CPSF7: variants seen among roughly 807,000 people sequenced by gnomAD.
CPSF7 encodes cleavage and polyadenylation specificity factor subunit 7.
CPSF7 carries 1 observed loss-of-function variant against 44.3 expected under a neutral mutation model. The observed-to-expected ratio is 0.02, with a 90% confidence interval of 0.01 to 0.11. The LOEUF is 0.11. CPSF7 is among the 10% of genes least tolerant of loss of function. The probability of loss-of-function intolerance (pLI) is 1.00; values close to 1 mark genes in which losing one functional copy is unlikely to be tolerated. For missense variants in CPSF7, 443 were observed against 607.2 expected (o/e 0.73, Z 2.84); for synonymous variants, 202 against 222.0 (o/e 0.91, Z 0.80).
In CPSF7 at chr11:61,402,860, TAAAAC is replaced by T. The variant is rs1483674802; in HGVS notation, c.*1845_*1849del. ...TTTTTTTCCTTTTGCTATCAGGAAA[TAAAAC>T]TAAAAATGGTGTCATTGAGTAAAAA... On this transcript the variant is annotated 3_prime_UTR_variant, in exon 10 of 10. Transcript: ENST00000439958. 6.6e-6 allele frequency: 1 copy of T among 152,256 alleles called. No individual in the cohort carries two copies. The highest frequency in any genetic ancestry group is 6.6e-5 in the Admixed American group (1 of 15,244). The allele number at this position is 152,256 out of a possible 1,614,324, so 9.4% of individuals were successfully genotyped here.
intron 2 of CPSF7, chr11:61,426,588 A>G (rs1389637374): frequency 1.3e-5 from 2 of 152,262 alleles, no homozygotes; most frequent in Non-Finnish European, 2.9e-5. Flanking sequence ...TGAGGAGACC[A>G]GAGAACAAAC....
chr11:61,429,087 C>A, intron 2 of CPSF7, 95 bp downstream of exon 2: 1 of 758,420 alleles, frequency 1.3e-6, no homozygotes. Flanking sequence ...CGTGTTCAAG[C>A]CTAGGACTGG....
chr11:61,415,652 A>G lies in CPSF7; in HGVS notation c.1057+14T>C. 2 of 1,526,576 alleles carry G rather than the reference A, an allele frequency of 1.3e-6. No individual in the cohort carries two copies. Among genetic ancestry groups the G allele is most frequent in the Non-Finnish European group, 1.8e-6 (2 of 1,100,326 alleles). 94.6% of individuals were successfully genotyped at this position (1,526,576 alleles called of 1,614,324 possible). A position where few individuals can be genotyped will look rare whatever the true frequency, so the allele number is the denominator to read the frequency against. On this transcript the variant is annotated intron_variant, in intron 7 of 9. Transcript: ENST00000439958. ...AGGTTAAGGAGAAGGCAGCAAAGGT[A>G]AGCACTGAGTTACCTGCACTGGCTC...
chr11:61,429,873 T>C, intron 1 of CPSF7, 41 bp downstream of exon 1: 1 of 1,532,600 alleles, frequency 6.5e-7, no homozygotes, highest in Non-Finnish European at 8.8e-7. Context: ...CCCGGACCCC[T>C]CTTCCGGCCC....
Position 61,416,490 on chromosome 11 carries a change from A to T in CPSF7, c.553T>A (p.Ser185Thr). 6.2e-7 allele frequency: 1 copy of T among 1,614,116 alleles called. No homozygotes were observed. Among genetic ancestry groups the T allele is most frequent in the Non-Finnish European group, 8.5e-7 (1 of 1,179,996 alleles). Residue 185 changes from serine to threonine, a missense_variant, in exon 6 of 10, where the codon TCT becomes ACT. Physicochemically the swap from Ser to Thr is moderately conservative, Grantham distance 58 (BLOSUM62 1). Coordinates refer to ENST00000439958, the MANE Select transcript of CPSF7 (RefSeq NM_001142565.3). ...RIPPRAHSRD[S>T]SDSADGRATP... Reference sequence around the variant, plus strand: ...GCCCGTCCATCAGCAGAATCACTAGAATCTCGGGAATGGGCCCGTGGAGGT... The same window carrying T: ...GCCCGTCCATCAGCAGAATCACTAGTATCTCGGGAATGGGCCCGTGGAGGT...
intron 9 of CPSF7, among the ~76,000 whole-genome samples, chr11:61,409,132 G>A (rs1218012898): frequency 6.6e-6 from 1 of 151,938 alleles, no homozygotes; most frequent in African/African-American, 2.4e-5. Flanking sequence ...GTGACAGAGT[G>A]AGACAATGTG....
intron 9 of CPSF7, 133 bp downstream of exon 9, chr11:61,410,805 T>C: frequency 1.1e-6 from 1 of 910,284 alleles, no homozygotes; most frequent in Non-Finnish European, 1.6e-6. Context: ...GCCCTGAAAT[T>C]CCAGTTATGT....
Position 61,429,905 on chromosome 11 carries a change from C to T in CPSF7, c.-56+9G>A, listed in dbSNP as rs1861803670. 1 of 1,505,476 alleles carries T rather than the reference C, an allele frequency of 6.6e-7. No homozygotes were observed. Among genetic ancestry groups the T allele is most frequent in the South Asian group, 1.2e-5 (1 of 81,410 alleles). 93.3% of individuals were successfully genotyped at this position (1,505,476 alleles called of 1,614,324 possible). ...GCCCAACCTGCCCCCGACCGCGCGC[C>T]CCCGTTACCGGGAATATGGCGGCGG... On this transcript the variant is annotated intron_variant, in intron 1 of 9. Coordinates refer to ENST00000439958, the MANE Select transcript of CPSF7 (RefSeq NM_001142565.3).
intron 9 of CPSF7, among the ~76,000 whole-genome samples, chr11:61,408,593 C>G (rs567532283): frequency 6.6e-6 from 1 of 152,174 alleles, no homozygotes; most frequent in African/African-American, 2.4e-5. Context: ...GAAGCAGAGA[C>G]AACACCTGCT....
At position 61,410,935 on chromosome 11, in the gene CPSF7, C is replaced by A; in HGVS notation, c.*5+3G>T. 1 of 1,585,088 alleles carries A rather than the reference C, an allele frequency of 6.3e-7. No homozygotes were observed. The highest frequency in any genetic ancestry group is 8.6e-7 in the Non-Finnish European group (1 of 1,169,030). Reference sequence around the variant, plus strand: ...AGCAGCCAGGAACGGGGCTTCTCCCCACCTTTCTCAGTGGTGCCGGTCCCG... The same window carrying A: ...AGCAGCCAGGAACGGGGCTTCTCCCAACCTTTCTCAGTGGTGCCGGTCCCG... On this transcript the variant is annotated splice_donor_region_variant and intron_variant, in intron 9 of 9. Coordinates refer to ENST00000439958, the MANE Select transcript of CPSF7 (RefSeq NM_001142565.3).
In CPSF7 at chr11:61,403,590, G is replaced by A. The variant is rs926331442; in HGVS notation, c.*1120C>T. On this transcript the variant is annotated 3_prime_UTR_variant, in exon 10 of 10. Transcript: ENST00000439958. ...GAGCTATTAAGTCAACAGTCAAAAG[G>A]TGAAAAGACACCAAATTTGTGACTT... 2.0e-5 allele frequency: 3 copies of A among 152,120 alleles called. No homozygotes were observed. The South Asian group carries it at 6.2e-4, about 32-fold the overall frequency. The allele number at this position is 152,120 out of a possible 1,614,324, so 9.4% of individuals were successfully genotyped here. A position where few individuals can be genotyped will look rare whatever the true frequency, so the allele number is the denominator to read the frequency against.
chr11:61,421,561 C>T lies in CPSF7; in HGVS notation c.102G>A (p.Val34=). The part of the protein sequence containing the change: ...NTDQIDLYDD[V]LTATSQPSDD... Reference sequence around the variant, plus strand: ...CTGAGGGCTGTGAGGTGGCTGTCAGCACATCATCATACAGGTCAATCTGAT... The same window carrying T: ...CTGAGGGCTGTGAGGTGGCTGTCAGTACATCATCATACAGGTCAATCTGAT... The change falls in exon 3 of 10, where the codon GTG becomes GTA. Residue 34 remains valine, a synonymous_variant. Transcript: ENST00000439958. 1 of 1,614,000 alleles carries T rather than the reference C, an allele frequency of 6.2e-7. No individual in the cohort carries two copies. The highest frequency in any genetic ancestry group is 1.1e-5 in the South Asian group (1 of 91,078).
chr11:61,420,095 CT>C lies in CPSF7; in HGVS notation c.378-2del. 1 of 1,591,800 alleles carries C rather than the reference CT, an allele frequency of 6.3e-7. No homozygotes were observed. The highest frequency in any genetic ancestry group is 8.6e-7 in the Non-Finnish European group (1 of 1,169,544). Reference sequence around the variant, plus strand: ...AGAGGCTACCACCACCTCAGCATACCTTAGGAAAGAAAAATTAAAAATGAAT... The same window carrying C: ...AGAGGCTACCACCACCTCAGCATACCTAGGAAAGAAAAATTAAAAATGAAT... On this transcript the variant is annotated splice_acceptor_variant, in intron 4 of 9. Transcript: ENST00000439958. LOFTEE classifies it high-confidence loss of function.
Position 61,421,573 on chromosome 11 carries a change from C to T in CPSF7, c.90G>A (p.Leu30=). The T allele has an allele frequency of 6.2e-7, 1 of 1,613,922 alleles. No individual in the cohort carries two copies. Residue 30 remains leucine, a synonymous_variant, in exon 3 of 10, where the codon CTG becomes CTA. Coordinates refer to ENST00000439958, the MANE Select transcript of CPSF7 (RefSeq NM_001142565.3). ...AGGTGGCTGTCAGCACATCATCATA[C>T]AGGTCAATCTGATCTGTATTGTTGA... The part of the protein sequence containing the change: ...PEFNNTDQID[L]YDDVLTATSQ...
intron 9 of CPSF7, chr11:61,410,553 A>G (rs1281471217): frequency 1.2e-5 from 2 of 164,752 alleles, no homozygotes; most frequent in East Asian, 1.8e-4. Context: ...AATGGTCTAC[A>G]TGGACTCTCT....
intron 9 of CPSF7, among the ~76,000 whole-genome samples, chr11:61,405,465 G>C (rs1429469041): frequency 2.0e-5 from 3 of 152,144 alleles, no homozygotes; most frequent in Non-Finnish European, 4.4e-5. Flanking sequence ...GCAGAGCATG[G>C]AAGAAACCTA....
intron 3 of CPSF7, chr11:61,421,003 C>T (rs1368702151): frequency 1.8e-5 from 19 of 1,082,312 alleles, no homozygotes; most frequent in Non-Finnish European, 2.1e-5. Flanking sequence ...ACAGTCACCA[C>T]CTACCCCAAG....
intron 6 of CPSF7, 24 bp from the exon 7 acceptor site, chr11:61,415,808 T>C (rs1162645015): frequency 6.8e-7 from 1 of 1,470,308 alleles, no homozygotes; most frequent in South Asian, 1.1e-5. Flanking sequence ...ATACCATCCT[T>C]GATTGCTCAC....
intron 8 of CPSF7, 118 bp from the exon 9 acceptor site, chr11:61,411,223 C>T: frequency 9.8e-7 from 1 of 1,016,074 alleles, no homozygotes; most frequent in Non-Finnish European, 1.4e-6. Context: ...CTATCATGGG[C>T]CTGCTGTCTG....
Sources: gnomAD v4.1 joint callset for allele counts (sites outside exome capture counted in the v4.1 genomes callset) on GRCh38, gnomAD v4.1.1 for gene constraint, MANE v1.5 for transcripts, NCBI Gene and HGNC (gene_info 2026-07-23, HGNC 2026-07-21) for gene names.